STK3: variants seen among roughly 807,000 people sequenced by gnomAD.
The protein encoded by STK3 is serine/threonine-protein kinase 3.
Under a neutral mutation model 58.0 loss-of-function variants are expected in STK3, and 41 were observed. That is an observed-to-expected ratio of 0.71 (90% CI 0.55 to 0.92). The LOEUF (loss-of-function observed/expected upper bound fraction) is 0.92. STK3 is among the 40% of genes least tolerant of loss of function. The pLI is 0.00. For synonymous variants in STK3, 170 were observed against 191.0 expected (o/e 0.89, Z 0.91); for missense variants, 479 against 602.7 (o/e 0.79, Z 2.15).
At chr8:98,860,363 G>T (rs909309764) in intron 3 of STK3, among the ~76,000 whole-genome samples, 1 of 152,204 alleles carries the variant, frequency 6.6e-6, no homozygotes, top group South Asian at 2.1e-4. Context: ...GGAGCCTGCT[G>T]TGGGAAGACG....
At chr8:98,417,363 A>C (rs569164183) in intron 3 of STK3, among the ~76,000 whole-genome samples, 15 of 152,034 alleles carry the variant, frequency 9.9e-5, no homozygotes, top group African/African-American at 3.6e-4. Flanking sequence ...AAATACAAAA[A>C]ATTAGCTAGG....
At chr8:98,837,080 T>C (rs1835773578) in intron 3 of STK3, among the ~76,000 whole-genome samples, 1 of 152,186 alleles carries the variant, frequency 6.6e-6, no homozygotes, top group African/African-American at 2.4e-5. Flanking sequence ...TTTGACCTTG[T>C]GGACCCCTTG....
At chr8:98,431,945 G>A (rs1021428878) in intron 3 of STK3, 3 of 167,042 alleles carry the variant, frequency 1.8e-5, no homozygotes, top group African/African-American at 7.2e-5. Flanking sequence ...TTTTTCAAGT[G>A]GTGGTTTCAG....
the STK3 span, among the ~76,000 whole-genome samples, chr8:98,344,616 G>A: frequency 1.4e-4 from 21 of 152,254 alleles, no homozygotes; most frequent in Admixed American, 6.5e-4. Flanking sequence ...ACCCTCGGCC[G>A]GGCGCGGTGG....
chr8:98,470,390 A>T (rs1356995779), intron 10 of STK3, among the ~76,000 whole-genome samples: 4 of 152,132 alleles, frequency 2.6e-5, no homozygotes, highest in Non-Finnish European at 4.4e-5. Context: ...CAACCCACAG[A>T]TCTCTTCTAA....
At chr8:98,731,951 A>G (rs1828240086) in intron 4 of STK3, among the ~76,000 whole-genome samples, 1 of 152,150 alleles carries the variant, frequency 6.6e-6, no homozygotes. Context: ...GAAACAGACA[A>G]TAGCATTTAT....
At chr8:98,359,166 C>T in the STK3 span, among the ~76,000 whole-genome samples, 1 of 151,852 alleles carries the variant, frequency 6.6e-6, no homozygotes, top group Non-Finnish European at 1.5e-5. Context: ...AATATCTTGA[C>T]TTCAGAGAGC....
intron 3 of STK3, among the ~76,000 whole-genome samples, chr8:98,839,571 C>A (rs748222697): frequency 6.6e-6 from 1 of 152,198 alleles, no homozygotes; most frequent in East Asian, 1.9e-4. Flanking sequence ...CCATTACAAT[C>A]TTCTTTTTGC....
At chr8:98,612,386 T>C in intron 6 of STK3, among the ~76,000 whole-genome samples, 1 of 145,690 alleles carries the variant, frequency 6.9e-6, no homozygotes, top group South Asian at 2.1e-4. Flanking sequence ...TTTCTAAACA[T>C]ATATATATAT....
At chr8:98,804,319 T>C (rs1833774912) in intron 1 of STK3, among the ~76,000 whole-genome samples, 1 of 152,176 alleles carries the variant, frequency 6.6e-6, no homozygotes, top group South Asian at 2.1e-4. Flanking sequence ...CATTTTCTTA[T>C]TTAATCCCTA....
chr8:98,915,649 A>G (rs1053500401), intron 1 of STK3, among the ~76,000 whole-genome samples: 1 of 150,402 alleles, frequency 6.6e-6, no homozygotes, highest in Non-Finnish European at 1.5e-5. Flanking sequence ...ATTGATTGAT[A>G]TGTGTGTGTG....
At chr8:98,703,866 T>C (rs1262781395) in intron 6 of STK3, among the ~76,000 whole-genome samples, 6 of 152,218 alleles carry the variant, frequency 3.9e-5, no homozygotes, top group Non-Finnish European at 8.8e-5. Flanking sequence ...TTTTCTCTCT[T>C]GGACAGCTCT....
intron 1 of STK3, among the ~76,000 whole-genome samples, chr8:98,892,694 T>G (rs978779985): frequency 6.6e-6 from 1 of 152,210 alleles, no homozygotes; most frequent in Admixed American, 6.5e-5. Flanking sequence ...TTTCTTACTA[T>G]GTAAGCTTTA....
intron 10 of STK3, among the ~76,000 whole-genome samples, chr8:98,523,293 T>C (rs1372827072): frequency 6.6e-6 from 1 of 152,210 alleles, no homozygotes; most frequent in Non-Finnish European, 1.5e-5. Flanking sequence ...CTCTAATGAT[T>C]AATGATAATT....
chr8:98,570,092 AATAAATAT>A (rs1161836215), intron 8 of STK3, among the ~76,000 whole-genome samples: 1 of 147,908 alleles, frequency 6.8e-6, no homozygotes, highest in Non-Finnish European at 1.5e-5. Flanking sequence ...ATAAATATAT[AATAAATAT>A]ATAAATATAT....
chr8:98,428,213 C>T lies in STK3; in HGVS notation n.483+5914G>A. On this transcript the variant is annotated intron_variant and non_coding_transcript_variant, in intron 3 of 3. Coordinates refer to the STK3 transcript ENST00000517832. The surrounding 1 kb of genome is among the most constrained non-coding windows in gnomAD (Gnocchi z 6.7). ...ACTTCGACCGCAACCCTGAGCTCTT[C>T]CCCTACGTGCTGCATTTCTATCACA... 6.2e-7 allele frequency: 1 copy of T among 1,614,148 alleles called. No individual in the cohort carries two copies. Among genetic ancestry groups the T allele is most frequent in the Admixed American group, 1.7e-5 (1 of 60,032 alleles).
At position 98,904,945 on chromosome 8, in the gene STK3, C is replaced by T. The variant is rs879182197; in HGVS notation, c.-78-21111G>A. On this transcript the variant is annotated intron_variant, in intron 1 of 1. Transcript: ENST00000519420. The stretch of plus-strand genomic sequence containing the variant: ...ATGGTCTGCTCTGCCTAGTTACATG[C>T]AGAAGCTGCTGCCGCTGCTGCTACT... 312 of 711,666 alleles carry T rather than the reference C, an allele frequency of 4.4e-4. 5 individuals carry two copies. The highest frequency in any genetic ancestry group is 3.9e-3 in the South Asian group (291 of 74,112). 44.1% of individuals were successfully genotyped at this position (711,666 alleles called of 1,614,324 possible).
chr8:98,629,391 A>G (rs1818998093), intron 6 of STK3, among the ~76,000 whole-genome samples: 1 of 152,102 alleles, frequency 6.6e-6, no homozygotes, highest in Non-Finnish European at 1.5e-5. Flanking sequence ...AAAACTGGAG[A>G]CCCCACACAC....
intron 10 of STK3, 156 bp downstream of exon 10, chr8:98,526,586 C>G: frequency 5.4e-6 from 3 of 556,524 alleles, no homozygotes; most frequent in Non-Finnish European, 8.0e-6. Context: ...TTCACAATTT[C>G]TCTAACCATG....
Sources: allele counts gnomAD v4.1 joint callset (sites outside exome capture counted in the v4.1 genomes callset), GRCh38; gene constraint gnomAD v4.1.1; non-coding constraint Gnocchi (gnomAD v3.1); transcripts MANE v1.5; gene names NCBI Gene and HGNC (gene_info 2026-07-23, HGNC 2026-07-21).